BPNT1: variants seen among roughly 807,000 people sequenced by gnomAD.
BPNT1 encodes 3'(2'),5'-bisphosphate nucleotidase 1.
Under a neutral mutation model 36.9 loss-of-function variants are expected in BPNT1, and 28 were observed. The ratio of observed to expected loss-of-function variants is 0.76; its 90% confidence interval spans 0.56 to 1.04. The LOEUF (loss-of-function observed/expected upper bound fraction) is 1.04, where lower values mean the gene tolerates loss of function less well. BPNT1 is among the 50% of genes least tolerant of loss of function. The probability of loss-of-function intolerance (pLI) is 0.00; values close to 1 mark genes in which losing one functional copy is unlikely to be tolerated. For missense variants in BPNT1, 313 were observed against 372.9 expected (o/e 0.84, Z 1.32); for synonymous variants, 119 against 130.9 (o/e 0.91, Z 0.62).
At chr1:220,079,895 C>A in intron 1 of BPNT1, 41 bp from the exon 2 acceptor site, 1 of 1,584,126 alleles carries the variant, frequency 6.3e-7, no homozygotes, top group Non-Finnish European at 8.6e-7. Flanking sequence ...AGTTTCAAAG[C>A]CAACTACTGG....
rs1204138369 is a variant in BPNT1 at position 220,058,876 on chromosome 1, G to A, written c.895C>T (p.Pro299Ser). 1.1e-5 allele frequency: 17 copies of A among 1,613,942 alleles called. No individual in the cohort carries two copies. Among genetic ancestry groups the A allele is most frequent in the Non-Finnish European group, 1.4e-5 (16 of 1,179,994 alleles). Residue 299 changes from proline (P) to serine (S), a missense_variant, in exon 9 of 9, where the codon CCA becomes TCA. Physicochemically the swap from Pro to Ser is moderately conservative, Grantham distance 74. Transcript: ENST00000322067. ...RNYDYYASRVPESIKNALVP is the reference protein window; with the variant it reads ...RNYDYYASRVSESIKNALVP Reference sequence around the variant, plus strand: ...ACAAGTGCATTTTTAATAGATTCTGGAACTCGGCTTGCATAGTAGTCATAA... The same window carrying A: ...ACAAGTGCATTTTTAATAGATTCTGAAACTCGGCTTGCATAGTAGTCATAA...
intron 7 of BPNT1, among the ~76,000 whole-genome samples, chr1:220,061,770 T>C (rs1663058831): frequency 6.6e-6 from 1 of 152,040 alleles, no homozygotes; most frequent in Non-Finnish European, 1.5e-5. Flanking sequence ...AGGGATGTCA[T>C]CATAATGATA....
chr1:220,086,990 T>G (rs1325634604), intron 1 of BPNT1, among the ~76,000 whole-genome samples: 1 of 140,850 alleles, frequency 7.1e-6, no homozygotes, highest in Non-Finnish European at 1.5e-5. Context: ...GAGGTTGCAG[T>G]GAGCCGAGAT....
Position 220,057,747 on chromosome 1 carries a change from T to A in BPNT1, c.*1097A>T. 4 of 752,366 alleles carry A rather than the reference T, an allele frequency of 5.3e-6. No homozygotes were observed. Among genetic ancestry groups the A allele is most frequent in the Non-Finnish European group, 7.8e-6 (4 of 514,728 alleles). 46.6% of individuals were successfully genotyped at this position (752,366 alleles called of 1,614,324 possible). On this transcript the variant is annotated 3_prime_UTR_variant, in exon 9 of 9. Coordinates refer to ENST00000322067, the MANE Select transcript of BPNT1 (RefSeq NM_006085.6). ...AAGAGCTAGGATTAAATAATTTATT[T>A]AAAAAAAACTTTTCTCATAAATCTG...
chr1:220,074,039 G>T lies in BPNT1; in HGVS notation c.153C>A (p.Asp51Glu). 6.2e-7 allele frequency: 1 copy of T among 1,614,016 alleles called. No homozygotes were observed. The highest frequency in any genetic ancestry group is 1.1e-5 in the South Asian group (1 of 91,026). The change falls in exon 3 of 9, where the codon GAC becomes GAA. Residue 51 changes from aspartate to glutamate, a missense_variant. Coordinates refer to ENST00000322067, the MANE Select transcript of BPNT1 (RefSeq NM_006085.6). ...TCATDLQTKADRLAQMSICSS... is the reference protein window; with the variant it reads ...TCATDLQTKAERLAQMSICSS... ...AACATATGCTCATCTGTGCCAATCGGTCAGCTTTGGTCTGCAGGTCTGTTG... is the reference window on the plus strand; with the variant it reads ...AACATATGCTCATCTGTGCCAATCGTTCAGCTTTGGTCTGCAGGTCTGTTG...
At chr1:220,062,041 A>G (rs537289135) in intron 7 of BPNT1, among the ~76,000 whole-genome samples, 36 of 145,212 alleles carry the variant, frequency 2.5e-4, no homozygotes, top group African/African-American at 8.9e-4. Flanking sequence ...CTCTCAGATA[A>G]AAAAAAAAAA....
intron 2 of BPNT1, among the ~76,000 whole-genome samples, chr1:220,079,321 C>T (rs1015192768): frequency 6.6e-6 from 1 of 151,718 alleles, no homozygotes; most frequent in Admixed American, 6.6e-5. Context: ...GGCGCAATCT[C>T]GGCTCACTGC....
chr1:220,088,549 G>A (rs1383447255), intron 1 of BPNT1, among the ~76,000 whole-genome samples: 1 of 151,456 alleles, frequency 6.6e-6, no homozygotes, highest in Non-Finnish European at 1.5e-5. Context: ...GAACTTTTTG[G>A]GAGGCCAAGG....
In BPNT1 at chr1:220,078,453, T is replaced by C. The variant is rs943694805; in HGVS notation, c.120+1274A>G. ...TAATTATATATAATAATTATACTTA[T>C]ATATAAATAATAAATAATTTATAAT... On this transcript the variant is annotated intron_variant, in intron 2 of 8. Transcript: ENST00000322067. 8.2e-5 allele frequency among the ~76,000 whole-genome samples: 11 copies of C among 134,278 alleles called. No individual in the cohort carries two copies. The East Asian group carries it at 2.3e-3, about 28-fold the overall frequency. The allele number at this position is 134,278 out of a possible 152,430, so 88.1% of individuals were successfully genotyped here.
intron 1 of BPNT1, among the ~76,000 whole-genome samples, chr1:220,082,063 A>AATAT (rs369837553): frequency 0.04 from 4,451 of 109,994 alleles, 103 homozygotes; most frequent in Non-Finnish European, 0.045. Context: ...TTCCAAGGAC[A>AATAT]ATATATATAT....
At chr1:220,089,465 T>G (rs1275440714) in intron 1 of BPNT1, among the ~76,000 whole-genome samples, 1 of 152,206 alleles carries the variant, frequency 6.6e-6, no homozygotes, top group African/African-American at 2.4e-5. Context: ...TGTCTAGGTT[T>G]GTCTTGTTTC....
intron 7 of BPNT1, among the ~76,000 whole-genome samples, chr1:220,061,625 T>C (rs911115673): frequency 1.1e-4 from 16 of 152,048 alleles, no homozygotes; most frequent in Middle Eastern, 3.5e-3. Context: ...TAGGATGACT[T>C]TCAGGTGTTT....
chr1:220,063,856 A>G (rs550665148), intron 6 of BPNT1, among the ~76,000 whole-genome samples: 1 of 152,338 alleles, frequency 6.6e-6, no homozygotes, highest in East Asian at 1.9e-4. Context: ...TCCTTTGCAG[A>G]ACTCAATTTC....
intron 1 of BPNT1, among the ~76,000 whole-genome samples, chr1:220,082,266 T>C (rs1655251937): frequency 6.6e-6 from 1 of 150,984 alleles, no homozygotes; most frequent in Admixed American, 6.6e-5. Flanking sequence ...CTGCAAACTC[T>C]GCCTCCTGGG....
At chr1:220,075,237 T>C (rs1422896909) in intron 2 of BPNT1, among the ~76,000 whole-genome samples, 1 of 151,886 alleles carries the variant, frequency 6.6e-6, no homozygotes, top group Non-Finnish European at 1.5e-5. Flanking sequence ...AGAGATGGGG[T>C]TTCACCATAT....
At chr1:220,069,707 G>A (rs779276561) in intron 4 of BPNT1, among the ~76,000 whole-genome samples, 2 of 152,068 alleles carry the variant, frequency 1.3e-5, no homozygotes, top group East Asian at 1.9e-4. Context: ...AGGCCGAGGC[G>A]GGTGGATCAC....
chr1:220,069,756 T>C (rs1663879303), intron 4 of BPNT1, among the ~76,000 whole-genome samples: 2 of 152,068 alleles, frequency 1.3e-5, no homozygotes, highest in South Asian at 4.2e-4. Context: ...GCCAAAGTGG[T>C]GAAACCCCAT....
At chr1:220,072,236 G>A (rs369476440) in intron 4 of BPNT1, among the ~76,000 whole-genome samples, 5 of 151,664 alleles carry the variant, frequency 3.3e-5, no homozygotes, top group African/African-American at 4.8e-5. Flanking sequence ...GGTGGTGCGC[G>A]CCTGTAGTCC....
chr1:220,058,178 G>A lies in BPNT1; in HGVS notation c.*666C>T. 1 of 974,006 alleles carries A rather than the reference G, an allele frequency of 1.0e-6. No individual in the cohort carries two copies. Among genetic ancestry groups the A allele is most frequent in the South Asian group, 4.5e-5 (1 of 22,190 alleles). 60.3% of individuals were successfully genotyped at this position (974,006 alleles called of 1,614,324 possible). On this transcript the variant is annotated 3_prime_UTR_variant, in exon 9 of 9. Coordinates refer to ENST00000322067, the MANE Select transcript of BPNT1 (RefSeq NM_006085.6). ...GCTACAGAGCGAGACTCCGTCTCAG[G>A]AAAAAAAAAGAGAAATCTGGTTTAG...
Sources: gnomAD v4.1 joint callset for allele counts (sites outside exome capture counted in the v4.1 genomes callset) on GRCh38, gnomAD v4.1.1 for gene constraint, MANE v1.5 for transcripts, NCBI Gene and HGNC (gene_info 2026-07-23, HGNC 2026-07-21) for gene names.